DLGAP1: variants seen among roughly 807,000 people sequenced by gnomAD.
DLGAP1 encodes disks large-associated protein 1.
DLGAP1 carries 11 observed loss-of-function variants against 90.8 expected under a neutral mutation model. The observed-to-expected ratio is 0.12, with a 90% CI of 0.08 to 0.20. The LOEUF (loss-of-function observed/expected upper bound fraction) is 0.20. Among genes scored for constraint, DLGAP1 ranks in the 10% least tolerant of loss-of-function variants. The probability of loss-of-function intolerance (pLI) is 1.00; values close to 1 mark genes in which losing one functional copy is unlikely to be tolerated. For synonymous variants in DLGAP1, 558 were observed against 540.7 expected (o/e 1.03, Z -0.44); for missense variants, 1,050 against 1,333.8 (o/e 0.79, Z 3.31).
intron 1 of DLGAP1, among the ~76,000 whole-genome samples, chr18:4,231,320 T>C (rs1168056438): frequency 6.6e-6 from 1 of 152,124 alleles, no homozygotes; most frequent in Non-Finnish European, 1.5e-5. Context: ...CTTTCCAAAA[T>C]CAATTTTCAT....
chr18:3,865,504 A>G (rs2070327614), intron 4 of DLGAP1, among the ~76,000 whole-genome samples: 2 of 152,240 alleles, frequency 1.3e-5, no homozygotes, highest in African/African-American at 4.8e-5. Context: ...AACTAGATTT[A>G]GTTTTACACC....
chr18:4,334,895 T>C (rs558343483), intron 1 of DLGAP1, among the ~76,000 whole-genome samples: 2 of 151,938 alleles, frequency 1.3e-5, no homozygotes, highest in East Asian at 3.9e-4. Context: ...TTGGAGAAAA[T>C]AAAAGGTACA....
intron 2 of DLGAP1, among the ~76,000 whole-genome samples, chr18:4,047,465 T>C (rs984414794): frequency 2.6e-5 from 4 of 152,326 alleles, no homozygotes; most frequent in African/African-American, 9.6e-5. Context: ...TAGTAATAAA[T>C]GGATACAAGA....
chr18:4,036,767 G>T (rs1287509380), intron 2 of DLGAP1, among the ~76,000 whole-genome samples: 1 of 152,018 alleles, frequency 6.6e-6, no homozygotes, highest in Non-Finnish European at 1.5e-5. Context: ...TGAAAGAAGG[G>T]GAGTTGTAAA....
chr18:4,299,700 C>A (rs78674789), intron 1 of DLGAP1, among the ~76,000 whole-genome samples: 32,594 of 151,350 alleles, frequency 0.22, 3,540 homozygotes, highest in African/African-American at 0.25. Flanking sequence ...AAAACACACA[C>A]AAAAAAAACA....
At chr18:4,189,573 A>G (rs529377311) in intron 1 of DLGAP1, among the ~76,000 whole-genome samples, 1 of 152,272 alleles carries the variant, frequency 6.6e-6, no homozygotes, top group Admixed American at 6.5e-5. Context: ...TGCAATCCCA[A>G]TCAAAATCCT....
intron 4 of DLGAP1, among the ~76,000 whole-genome samples, chr18:3,859,767 C>T (rs2148728338): frequency 6.6e-6 from 1 of 152,126 alleles, no homozygotes; most frequent in South Asian, 2.1e-4. Context: ...TCATTGAGAC[C>T]CATTGTGGAC....
At position 4,114,056 on chromosome 18, in the gene DLGAP1, C is replaced by CTT. The variant is rs58180172; in HGVS notation, c.-159+37122_-159+37123dup. Among the ~76,000 whole-genome samples the CTT allele has an allele frequency of 8.7e-3, 928 of 106,806 alleles. 4 individuals are homozygous for CTT. The highest frequency in any genetic ancestry group is 0.02 in the African/African-American group (589 of 29,394). 70.1% of individuals were successfully genotyped at this position (106,806 alleles called of 152,430 possible). A position where few individuals can be genotyped will look rare whatever the true frequency, so the allele number is the denominator to read the frequency against. On this transcript the variant is annotated intron_variant, in intron 2 of 12. Transcript: ENST00000315677. ...AAGTTGAGTAATGTGATGCCTCTGGCTTTTTTTTTTTTTTTTTTTTGGTTT... is the reference window on the plus strand; with the variant it reads ...AAGTTGAGTAATGTGATGCCTCTGGCTTTTTTTTTTTTTTTTTTTTTTGGTTT...
At chr18:4,127,537 T>C (rs2076249849) in intron 2 of DLGAP1, among the ~76,000 whole-genome samples, 1 of 152,158 alleles carries the variant, frequency 6.6e-6, no homozygotes, top group South Asian at 2.1e-4. Context: ...AGTCAATTGA[T>C]TTCACAAGGC....
At chr18:4,281,379 C>T (rs1216657813) in intron 1 of DLGAP1, among the ~76,000 whole-genome samples, 1 of 151,992 alleles carries the variant, frequency 6.6e-6, no homozygotes, top group Non-Finnish European at 1.5e-5. Context: ...GATGAAACTC[C>T]GTCTGTACTA....
chr18:3,880,272 ATCCTG>A, intron 3 of DLGAP1, 132 bp from the exon 4 acceptor site: 1 of 607,486 alleles, frequency 1.6e-6, no homozygotes, highest in Non-Finnish European at 2.9e-6. Context: ...CAGCCTCCAC[ATCCTG>A]GGCTCAAGCC....
intron 8 of DLGAP1, among the ~76,000 whole-genome samples, chr18:3,576,121 C>T (rs979714951): frequency 6.6e-6 from 1 of 152,186 alleles, no homozygotes; most frequent in African/African-American, 2.4e-5. Flanking sequence ...AACTACATTT[C>T]CTAGGCCTCC....
At chr18:3,669,169 C>CA (rs1271948748) in intron 7 of DLGAP1, among the ~76,000 whole-genome samples, 3 of 140,730 alleles carry the variant, frequency 2.1e-5, no homozygotes, top group African/African-American at 7.5e-5. Flanking sequence ...ATTAGGGTTC[C>CA]AGACCTTCCA....
Position 3,614,798 on chromosome 18 carries a change from G to A in DLGAP1, c.1592-32550C>T, listed in dbSNP as rs1006029750. 3.4e-5 allele frequency among the ~76,000 whole-genome samples: 5 copies of A among 147,638 alleles called. No homozygotes were observed. The East Asian group carries it at 8.0e-4, about 24-fold the overall frequency. ...CGGGAGGCAGATGTTGCCGTAAGTCGAGATAGTGCCACTGCACTCCAGCCT... is the reference window on the plus strand; with the variant it reads ...CGGGAGGCAGATGTTGCCGTAAGTCAAGATAGTGCCACTGCACTCCAGCCT... On this transcript the variant is annotated intron_variant, in intron 7 of 12. Coordinates refer to ENST00000315677, the MANE Select transcript of DLGAP1 (RefSeq NM_004746.4).
At position 3,729,012 on chromosome 18, in the gene DLGAP1, T is replaced by C. The variant is rs2062305500; in HGVS notation, c.1591+123A>G. The C allele has an allele frequency of 1.4e-6, 2 of 1,406,932 alleles. No homozygotes were observed. Among genetic ancestry groups the C allele is most frequent in the South Asian group, 1.4e-5 (1 of 69,050 alleles). 87.2% of individuals were successfully genotyped at this position (1,406,932 alleles called of 1,614,324 possible). On this transcript the variant is annotated intron_variant, in intron 7 of 12. Coordinates refer to ENST00000315677, the MANE Select transcript of DLGAP1 (RefSeq NM_004746.4). This position sits in a 1 kb window ranked among gnomAD's most constrained non-coding sequence, Gnocchi z 6.2. ...ATAGGGAAGGAAAACCTTTGGTTTG[T>C]AGGACATGGGTGGTATCTTGTTCCT...
intron 2 of DLGAP1, among the ~76,000 whole-genome samples, chr18:4,150,714 G>C (rs1307245963): frequency 6.6e-6 from 1 of 152,358 alleles, no homozygotes; most frequent in Middle Eastern, 3.4e-3. Context: ...AATTACAGGC[G>C]TGAGCCACCA....
At chr18:3,980,000 G>A (rs1599260733) in intron 3 of DLGAP1, among the ~76,000 whole-genome samples, 2 of 152,192 alleles carry the variant, frequency 1.3e-5, no homozygotes, top group South Asian at 4.1e-4. Context: ...GCCAGGCGTG[G>A]TGGCAGGCAC....
At chr18:4,135,042 C>T (rs1033908346) in intron 2 of DLGAP1, among the ~76,000 whole-genome samples, 1 of 152,020 alleles carries the variant, frequency 6.6e-6, no homozygotes, top group Non-Finnish European at 1.5e-5. Flanking sequence ...TAGAAACTAC[C>T]AGCAGAGTAC....
intron 7 of DLGAP1, among the ~76,000 whole-genome samples, chr18:3,718,235 C>T (rs941167844): frequency 4.0e-5 from 6 of 151,634 alleles, no homozygotes; most frequent in African/African-American, 9.7e-5. Context: ...CTGAGGTGGG[C>T]GGATCACGAG....
Sources: allele counts gnomAD v4.1 joint callset (sites outside exome capture counted in the v4.1 genomes callset), GRCh38; gene constraint gnomAD v4.1.1; non-coding constraint Gnocchi (gnomAD v3.1); transcripts MANE v1.5; gene names NCBI Gene and HGNC (gene_info 2026-07-23, HGNC 2026-07-21).